CHRNA1: variants seen among roughly 807,000 people sequenced by gnomAD.
The protein encoded by CHRNA1 is acetylcholine receptor subunit alpha.
In CHRNA1, 35 loss-of-function variants were observed where a neutral mutation model predicts 47.1. The observed-to-expected ratio is 0.74, with a 90% CI of 0.57 to 0.99. The LOEUF (loss-of-function observed/expected upper bound fraction) is 0.99. Ranked by LOEUF, CHRNA1 falls within the 50% of genes least tolerant of loss-of-function variation. The pLI, the probability that CHRNA1 is intolerant of heterozygous loss-of-function variation, is 0.00. For missense variants in CHRNA1, 506 were observed against 591.1 expected, an observed-to-expected ratio of 0.86 and a Z score of 1.49; for synonymous variants, 229 against 223.6, an observed-to-expected ratio of 1.02 and a Z score of -0.22.
rs145421881 is a variant in CHRNA1, at chr2:174,753,734, C to A, written c.547G>T (p.Asp183Tyr). The A allele has an allele frequency of 6.2e-7, 1 of 1,613,894 alleles. No homozygotes were observed. The highest frequency in any genetic ancestry group is 8.5e-7 in the Non-Finnish European group (1 of 1,179,894). The change falls in exon 6 of 9, where the codon GAC becomes TAC. Residue 183 changes from aspartate to tyrosine, a missense_variant. Transcript: ENST00000348749. ...GSVVAINPES[D>Y]QPDLSNFMES... ...ATGAAGTTGCTCAGGTCTGGCTGGT[C>A]GCTTTCCTGAGAAAGGAAGTGAGGT... is the stretch of plus-strand genomic sequence containing the variant.
rs759020321 is a variant in CHRNA1 at position 174,754,303 on chromosome 2, G to C, written c.456C>G (p.Val152=). The part of the protein sequence containing the change: ...AIFKSYCEII[V]THFPFDEQNC... ...TCTGTTCATCAAAGGGAAAGTGGGT[G>C]ACGATGATCTCACAGTAGCTTTTAA... The change falls in exon 5 of 9, where the codon GTC becomes GTG. Residue 152 remains valine (V), a synonymous_variant. Transcript: ENST00000348749. 6.2e-7 allele frequency: 1 copy of C among 1,614,232 alleles called. No individual in the cohort carries two copies. The highest frequency in any genetic ancestry group is 2.2e-5 in the East Asian group (1 of 44,888).
Position 174,748,082 on chromosome 2 carries a change from T to G in CHRNA1, c.*42A>C. 6.2e-7 allele frequency: 1 copy of G among 1,613,124 alleles called. No individual in the cohort carries two copies. Among genetic ancestry groups the G allele is most frequent in the East Asian group, 2.2e-5 (1 of 44,872 alleles). ...CTTCCTCTCCTGCCCTTCTCTGCTC[T>G]GGTAGGTTCCAGGGCAGAGCTAAGC... On this transcript the variant is annotated 3_prime_UTR_variant, in exon 9 of 9. Transcript: ENST00000348749.
intron 1 of CHRNA1, among the ~76,000 whole-genome samples, chr2:174,761,542 T>G (rs1684100675): frequency 6.6e-6 from 1 of 152,160 alleles, no homozygotes; most frequent in African/African-American, 2.4e-5. Flanking sequence ...CTCAAACTCC[T>G]GAGCTCAAGC....
chr2:174,760,984 T>A (rs1474539229), intron 1 of CHRNA1, among the ~76,000 whole-genome samples: 1 of 152,156 alleles, frequency 6.6e-6, no homozygotes, highest in Admixed American at 6.5e-5. Context: ...GGGCAGACAT[T>A]CTTACCTGAG....
chr2:174,757,906 GTCCTCACAACAA>G, intron 3 of CHRNA1: 2 of 1,172,928 alleles, frequency 1.7e-6, no homozygotes, highest in Non-Finnish European at 2.5e-6. Flanking sequence ...AACTCATTTA[GTCCTCACAACAA>G]TCCCGTGAGG....
At chr2:174,752,714 T>C (rs948046199) in intron 6 of CHRNA1, 1 of 152,076 alleles carries the variant, frequency 6.6e-6, no homozygotes, top group African/African-American at 2.4e-5. Flanking sequence ...AAATGAATAA[T>C]CTTTTTTCCT....
intron 3 of CHRNA1, among the ~76,000 whole-genome samples, 190 bp downstream of exon 3, chr2:174,759,141 C>G (rs1558914627): frequency 6.6e-6 from 1 of 152,036 alleles, no homozygotes; most frequent in Non-Finnish European, 1.5e-5. Flanking sequence ...CTAACACACA[C>G]AGAAAAAGCC....
intron 1 of CHRNA1, among the ~76,000 whole-genome samples, chr2:174,762,636 A>G (rs1441704258): frequency 6.6e-6 from 1 of 152,258 alleles, no homozygotes; most frequent in African/African-American, 2.4e-5. Context: ...AAAGACGGCA[A>G]TGAAGTGCTT....
intron 5 of CHRNA1, 120 bp from the exon 6 acceptor site, chr2:174,753,860 G>T: frequency 1.1e-6 from 1 of 929,762 alleles, no homozygotes; most frequent in Non-Finnish European, 1.7e-6. Flanking sequence ...ACCCAGGAGG[G>T]ACTGTGGGAC....
chr2:174,762,553 T>C (rs1386698378), intron 1 of CHRNA1, among the ~76,000 whole-genome samples: 1 of 152,244 alleles, frequency 6.6e-6, no homozygotes, highest in Admixed American at 6.5e-5. Context: ...TCCTTCTTCC[T>C]ACCCTCATGG....
intron 1 of CHRNA1, among the ~76,000 whole-genome samples, chr2:174,763,344 A>G (rs73030245): frequency 0.05 from 7,646 of 152,222 alleles, 535 homozygotes; most frequent in African/African-American, 0.16. Flanking sequence ...ACACACACAC[A>G]CACACACACA....
intron 7 of CHRNA1, among the ~76,000 whole-genome samples, chr2:174,749,697 G>T (rs1163774579): frequency 1.3e-5 from 2 of 152,222 alleles, no homozygotes; most frequent in African/African-American, 4.8e-5. Flanking sequence ...TCTGATCAAA[G>T]AGATTCTTTA....
chr2:174,752,756 T>G (rs1409010731), intron 6 of CHRNA1: 4 of 125,628 alleles, frequency 3.2e-5, no homozygotes, highest in African/African-American at 1.3e-4. Context: ...ATTTTGTGGT[T>G]TTTTTTTTTT....
chr2:174,761,407 C>T (rs1453476476), intron 1 of CHRNA1, among the ~76,000 whole-genome samples: 7 of 152,136 alleles, frequency 4.6e-5, no homozygotes, highest in Admixed American at 4.6e-4. Context: ...TAGCCTCCCC[C>T]AACCAAGCAG....
At chr2:174,752,904 C>T (rs557423951) in intron 6 of CHRNA1, 1 of 160,954 alleles carries the variant, frequency 6.2e-6, no homozygotes, top group Non-Finnish European at 1.4e-5. Flanking sequence ...ACCCTTTCCT[C>T]CTTTCTGGTG....
At chr2:174,750,616 T>C (rs1574004149) in intron 6 of CHRNA1, among the ~76,000 whole-genome samples, 1 of 152,100 alleles carries the variant, frequency 6.6e-6, no homozygotes, top group South Asian at 2.1e-4. Flanking sequence ...AACCCAAGGG[T>C]AAGAGGAATG....
intron 3 of CHRNA1, chr2:174,758,068 C>G: frequency 6.2e-7 from 1 of 1,613,534 alleles, no homozygotes; most frequent in Non-Finnish European, 8.5e-7. Context: ...ACGTTTTTCT[C>G]AAGCAGGCAA....
At chr2:174,761,904 G>A (rs937615104) in intron 1 of CHRNA1, among the ~76,000 whole-genome samples, 3 of 152,176 alleles carry the variant, frequency 2.0e-5, no homozygotes, top group African/African-American at 7.2e-5. Flanking sequence ...TGTTGCTTTG[G>A]CCTTGCCTTG....
At chr2:174,751,304 G>C (rs1683843307) in intron 6 of CHRNA1, among the ~76,000 whole-genome samples, 1 of 151,086 alleles carries the variant, frequency 6.6e-6, no homozygotes, top group South Asian at 2.1e-4. Context: ...GACCACCTTA[G>C]GTGCAGCAGA....
Sources: allele counts gnomAD v4.1 joint callset (sites outside exome capture counted in the v4.1 genomes callset), GRCh38; gene constraint gnomAD v4.1.1; transcripts MANE v1.5; gene names NCBI Gene and HGNC (gene_info 2026-07-23, HGNC 2026-07-21).